The following BRF1 variants were observed in gnomAD, a reference collection of about 807,000 sequenced individuals.
BRF1 encodes the protein BRF1 general transcription factor IIIB subunit, also known as transcription factor IIIB 90 kDa subunit.
In BRF1, 59 loss-of-function variants were observed where a neutral mutation model predicts 81.7. The observed-to-expected ratio is 0.72, with a 90% CI of 0.59 to 0.90. The LOEUF is 0.90. Among genes scored for constraint, BRF1 ranks in the 40% least tolerant of loss-of-function variants. BRF1 has a pLI of 0.00. For missense variants in BRF1, 1,050 were observed against 936.3 expected (o/e 1.12, Z -1.58); for synonymous variants, 491 against 395.6 (o/e 1.24, Z -2.86).
intron 1 of BRF1, among the ~76,000 whole-genome samples, chr14:105,294,366 G>T (rs1266185989): frequency 6.6e-6 from 1 of 152,242 alleles, no homozygotes. Context: ...CAGACTTCCA[G>T]CTCTGCACTG....
intron 2 of BRF1, among the ~76,000 whole-genome samples, chr14:105,273,112 T>C (rs774985322): frequency 2.6e-5 from 4 of 152,244 alleles, no homozygotes; most frequent in Non-Finnish European, 5.9e-5. Flanking sequence ...CTGTTCTACC[T>C]GTTTCCCTTC....
upstream of BRF1, among the ~76,000 whole-genome samples, chr14:105,302,403 A>G (rs1020421967): frequency 3.3e-5 from 5 of 151,210 alleles, no homozygotes; most frequent in Non-Finnish European, 7.4e-5. Flanking sequence ...GGGTTTCTCC[A>G]TGTTGGTCAG....
At chr14:105,211,579 T>G in intron 16 of BRF1, 1 of 465,072 alleles carries the variant, frequency 2.2e-6, no homozygotes. Flanking sequence ...CAGAACACCT[T>G]TCCAGACCAT....
In BRF1 at chr14:105,228,906, C is replaced by T. The variant is rs755055022; in HGVS notation, c.702G>A (p.Leu234=). The change falls in exon 7 of 18, where the codon CTG becomes CTA. Residue 234 remains leucine, a synonymous_variant. Transcript: ENST00000547530. The part of the protein sequence containing the change: ...RPSGLCGAAL[L]VAARMHDFRR... ...TGAAGTCATGCATTCTGGCTGCAACCAGGAGCGCTGGAAGGCAACGAGACG... is the reference window on the plus strand; with the variant it reads ...TGAAGTCATGCATTCTGGCTGCAACTAGGAGCGCTGGAAGGCAACGAGACG... The T allele has an allele frequency of 6.2e-7, 1 of 1,613,592 alleles. No homozygotes were observed. Among genetic ancestry groups the T allele is most frequent in the African/African-American group, 1.3e-5 (1 of 75,062 alleles).
intron 2 of BRF1, among the ~76,000 whole-genome samples, chr14:105,273,156 A>G (rs963600771): frequency 6.6e-6 from 1 of 152,092 alleles, no homozygotes; most frequent in African/African-American, 2.4e-5. Flanking sequence ...GGTGTGGCTG[A>G]ATGTGCCTCT....
chr14:105,253,706 C>G (rs587643120), intron 4 of BRF1, among the ~76,000 whole-genome samples: 40 of 152,326 alleles, frequency 2.6e-4, no homozygotes, highest in African/African-American at 8.7e-4. Context: ...CACAGCAGCT[C>G]CTCCTGGTCA....
rs1217719059 is a variant in BRF1, at chr14:105,210,163, A to C, written c.*388T>G. On this transcript the variant is annotated 3_prime_UTR_variant, in exon 18 of 18. Coordinates refer to ENST00000547530, the MANE Select transcript of BRF1 (RefSeq NM_001519.4). The surrounding 1 kb of genome is among the most constrained non-coding windows in gnomAD (Gnocchi z 4.7). ...GCTGGAGACTCCAGAGCTGGTCCTG[A>C]GTCACAGGGCCAGCACACTCAGCCC... 3.5e-6 allele frequency: 1 copy of C among 284,798 alleles called. No homozygotes were observed. 17.6% of individuals were successfully genotyped at this position (284,798 alleles called of 1,614,324 possible).
At chr14:105,304,273 C>G (rs756573946), upstream of BRF1, among the ~76,000 whole-genome samples, 2 of 152,140 alleles carry the variant, frequency 1.3e-5, no homozygotes, top group Admixed American at 6.6e-5. Flanking sequence ...GGGCAGATCA[C>G]GAGGTCAAGA....
At chr14:105,248,623 G>T in intron 5 of BRF1, 7 of 978,630 alleles carry the variant, frequency 7.2e-6, no homozygotes, top group Non-Finnish European at 8.5e-6. Flanking sequence ...TGGCCGGGCT[G>T]CGCTAGGCTG....
At chr14:105,256,625 G>C in intron 3 of BRF1, 76 bp from the exon 4 acceptor site, 1 of 1,576,464 alleles carries the variant, frequency 6.3e-7, no homozygotes, top group East Asian at 2.3e-5. Context: ...GGGCAGGACC[G>C]CAGGACTGCA....
At chr14:105,213,426 T>TC (rs1296257006) in intron 15 of BRF1, 2 of 151,748 alleles carry the variant, frequency 1.3e-5, no homozygotes, top group Non-Finnish European at 2.9e-5. Context: ...TTTTTTTTTT[T>TC]TCTGAGACGG....
At chr14:105,286,458 G>C (rs2140477096) in intron 1 of BRF1, 82 bp from the exon 2 acceptor site, 2 of 1,423,570 alleles carry the variant, frequency 1.4e-6, no homozygotes, top group South Asian at 2.4e-5. Flanking sequence ...CAGACACAAA[G>C]TGAGAACAAA....
chr14:105,285,435 G>C (rs2057280030), intron 2 of BRF1, among the ~76,000 whole-genome samples: 1 of 152,214 alleles, frequency 6.6e-6, no homozygotes, highest in Non-Finnish European at 1.5e-5. Context: ...TTCAACACAT[G>C]GTCCTGAGAA....
intron 4 of BRF1, among the ~76,000 whole-genome samples, chr14:105,255,256 G>T (rs1595399476): frequency 6.6e-6 from 1 of 152,396 alleles, no homozygotes; most frequent in East Asian, 1.9e-4. Context: ...GTTTTGCCCT[G>T]CACTGAGCAG....
chr14:105,313,233 G>A (rs1013592416), intron 1 of BRF1, among the ~76,000 whole-genome samples: 2 of 152,326 alleles, frequency 1.3e-5, no homozygotes, highest in Middle Eastern at 3.4e-3. Flanking sequence ...GTCCAGCAGC[G>A]CCGTACGCTC....
Position 105,226,104 on chromosome 14 carries a change from T to C in BRF1, c.1013A>G (p.Lys338Arg). 1 of 1,613,810 alleles carries C rather than the reference T, an allele frequency of 6.2e-7. No individual in the cohort carries two copies. Among genetic ancestry groups the C allele is most frequent in the Non-Finnish European group, 8.5e-7 (1 of 1,180,016 alleles). The part of the protein sequence containing the change: ...IEIELENSRP[K>R]AKGGLASLAK... ...CAGGCTGGCCAGGCCCCCCTTGGCC[T>C]TTGGCCGGCTGTTTTCTAGTTCAAT... Residue 338 changes from lysine to arginine, a missense_variant, in exon 10 of 18, where the codon AAG (lysine) becomes AGG (arginine). Physicochemically the swap from Lys to Arg is conservative, Grantham distance 26. Transcript: ENST00000547530.
chr14:105,228,817 C>A lies in BRF1; in HGVS notation c.788+3G>T. ...CCCCATGCCATGAATGAGAGCCCCTCACCTCTTCCGCAGCGTGGACTCACA... is the reference window on the plus strand; with the variant it reads ...CCCCATGCCATGAATGAGAGCCCCTAACCTCTTCCGCAGCGTGGACTCACA... On this transcript the variant is annotated splice_donor_region_variant and intron_variant, in intron 7 of 17. Coordinates refer to ENST00000547530, the MANE Select transcript of BRF1 (RefSeq NM_001519.4). The A allele has an allele frequency of 1.9e-6, 3 of 1,613,828 alleles. No homozygotes were observed. Among genetic ancestry groups the A allele is most frequent in the Non-Finnish European group, 2.5e-6 (3 of 1,179,982 alleles).
At chr14:105,250,311 G>C (rs368571131) in intron 5 of BRF1, 2 of 1,613,282 alleles carry the variant, frequency 1.2e-6, no homozygotes, top group Non-Finnish European at 1.7e-6. Flanking sequence ...GCAGTGGACA[G>C]AAGGGTATTT....
chr14:105,228,727 T>A (rs1367265611), intron 7 of BRF1, 93 bp downstream of exon 7: 8 of 1,409,060 alleles, frequency 5.7e-6, no homozygotes, highest in African/African-American at 1.4e-5. Context: ...GACGGCAGGG[T>A]CCCGGGAGGT....
Sources: gnomAD v4.1 joint callset for allele counts (sites outside exome capture counted in the v4.1 genomes callset) on GRCh38, gnomAD v4.1.1 for gene constraint, Gnocchi (gnomAD v3.1) non-coding constraint, MANE v1.5 for transcripts, NCBI Gene and HGNC (gene_info 2026-07-23, HGNC 2026-07-21) for gene names.